The following PRRC2C variants were observed in gnomAD, a reference collection of about 807,000 sequenced individuals.
The protein encoded by PRRC2C is protein PRRC2C.
Under a neutral mutation model 317.2 loss-of-function variants are expected in PRRC2C, and 72 were observed. The ratio of observed to expected loss-of-function variants is 0.23; its 90% CI spans 0.19 to 0.28. The LOEUF (loss-of-function observed/expected upper bound fraction) is 0.28, where lower values mean the gene tolerates loss of function less well. Among genes scored for constraint, PRRC2C ranks in the 10% least tolerant of loss-of-function variants. The probability of loss-of-function intolerance (pLI) is 1.00; values close to 1 mark genes in which losing one functional copy is unlikely to be tolerated. For synonymous variants in PRRC2C, 1,296 were observed against 1,205.9 expected (o/e 1.07, Z -1.55); for missense variants, 3,074 against 3,459.7 (o/e 0.89, Z 2.80).
intron 20 of PRRC2C, among the ~76,000 whole-genome samples, chr1:171,562,582 A>C (rs1211124083): frequency 6.6e-6 from 1 of 152,244 alleles, no homozygotes; most frequent in Non-Finnish European, 1.5e-5. Flanking sequence ...GACAAGATTT[A>C]CTAAAGTGTT....
At position 171,524,753 on chromosome 1, in the gene PRRC2C, G is replaced by A. The variant is rs944751101; in HGVS notation, c.1056-68G>A. On this transcript the variant is annotated intron_variant, in intron 9 of 34. Transcript: ENST00000647382. ...CCATACAGAAATAATTTTTTTAATT[G>A]CAAAAATAATGTGTGTACTTATGAT... The A allele has an allele frequency of 1.2e-5, 17 of 1,406,250 alleles. No homozygotes were observed. In the South Asian group the frequency reaches 1.8e-4, roughly 15 times the overall value. The allele number at this position is 1,406,250 out of a possible 1,614,324, so 87.1% of individuals were successfully genotyped here. A position where few individuals can be genotyped will look rare whatever the true frequency, so the allele number is the denominator to read the frequency against.
intron 20 of PRRC2C, among the ~76,000 whole-genome samples, chr1:171,563,964 G>C (rs1683163136): frequency 6.6e-6 from 1 of 152,188 alleles, no homozygotes; most frequent in South Asian, 2.1e-4. Flanking sequence ...CCTTCAGTCA[G>C]TGGTGGAGCA....
At chr1:171,565,345 C>T (rs903166656) in intron 20 of PRRC2C, among the ~76,000 whole-genome samples, 1 of 152,208 alleles carries the variant, frequency 6.6e-6, no homozygotes, top group African/African-American at 2.4e-5. Context: ...CCTTATCTGA[C>T]TTTTCAGTTC....
chr1:171,562,725 A>G (rs1230210796), intron 20 of PRRC2C, among the ~76,000 whole-genome samples: 1 of 152,218 alleles, frequency 6.6e-6, no homozygotes, highest in Non-Finnish European at 1.5e-5. Context: ...GATGCTTATT[A>G]TGCCTCTGAG....
intron 4 of PRRC2C, among the ~76,000 whole-genome samples, chr1:171,515,136 G>A (rs1006118298): frequency 4.6e-5 from 7 of 152,184 alleles, no homozygotes; most frequent in Non-Finnish European, 7.3e-5. Context: ...TCCCACTTTC[G>A]AAACAGGAAC....
chr1:171,575,599 GGA>G (rs1204817305), intron 25 of PRRC2C, among the ~76,000 whole-genome samples: 1 of 152,090 alleles, frequency 6.6e-6, no homozygotes, highest in African/African-American at 2.4e-5. Flanking sequence ...TTGTTTTTTA[GGA>G]GAGTCCTTTG....
intron 6 of PRRC2C, among the ~76,000 whole-genome samples, chr1:171,518,805 T>C (rs1477194143): frequency 6.6e-6 from 1 of 151,714 alleles, no homozygotes; most frequent in African/African-American, 2.4e-5. Context: ...ACTTGGCCTT[T>C]AAACTTTTTT....
chr1:171,565,768 G>A (rs1262910607), intron 20 of PRRC2C, among the ~76,000 whole-genome samples: 1 of 152,132 alleles, frequency 6.6e-6, no homozygotes, highest in Non-Finnish European at 1.5e-5. Context: ...TTAATTGGTG[G>A]ATTGATTGCT....
chr1:171,531,867 A>G (rs892208653), intron 11 of PRRC2C, among the ~76,000 whole-genome samples: 3 of 152,000 alleles, frequency 2.0e-5, no homozygotes, highest in African/African-American at 7.3e-5. Context: ...TGTCTTTTTC[A>G]CTTTGCTTCT....
intron 1 of PRRC2C, among the ~76,000 whole-genome samples, chr1:171,487,656 G>C (rs1485945896): frequency 6.6e-6 from 1 of 152,096 alleles, no homozygotes; most frequent in Non-Finnish European, 1.5e-5. Context: ...CTGTAAAATG[G>C]TGATGATAAT....
chr1:171,565,671 C>T (rs978788119), intron 20 of PRRC2C, among the ~76,000 whole-genome samples: 1 of 152,200 alleles, frequency 6.6e-6, no homozygotes, highest in Non-Finnish European at 1.5e-5. Context: ...TGGTCTCAAA[C>T]TCCTGACCTC....
At position 171,532,450 on chromosome 1, in the gene PRRC2C, A is replaced by G. The variant is rs750028893; in HGVS notation, c.1362A>G (p.Gln454=). Residue 454 remains glutamine (Q), a synonymous_variant, in exon 12 of 35, where the codon CAA becomes CAG. Transcript: ENST00000647382. ...TATGGAAGCAAAGACGAAGACAACA[A>G]TCAGAAATTTCTGCAGCAGTAGAAC... ...DEIWKQRRRQ[Q]SEISAAVERA... is the part of the protein sequence containing the mutation. The G allele has an allele frequency of 1.1e-5, 17 of 1,613,920 alleles. No individual in the cohort carries two copies. The highest frequency in any genetic ancestry group is 5.0e-5 in the Admixed American group (3 of 60,018).
intron 1 of PRRC2C, among the ~76,000 whole-genome samples, chr1:171,501,602 C>T (rs1669129158): frequency 1.3e-5 from 2 of 152,102 alleles, no homozygotes; most frequent in South Asian, 4.1e-4. Flanking sequence ...TGATCCTCTG[C>T]CCTTAATGAT....
At chr1:171,491,050 A>G (rs1667057397) in intron 1 of PRRC2C, among the ~76,000 whole-genome samples, 1 of 152,152 alleles carries the variant, frequency 6.6e-6, no homozygotes, top group South Asian at 2.1e-4. Context: ...ATATTCTTTG[A>G]TATTACACAA....
intron 18 of PRRC2C, among the ~76,000 whole-genome samples, chr1:171,554,458 C>T (rs905387278): frequency 3.3e-5 from 5 of 152,094 alleles, no homozygotes; most frequent in African/African-American, 1.2e-4. Flanking sequence ...GGGCATTTAG[C>T]CCATTTACAT....
At chr1:171,568,632 G>A (rs1388959333) in intron 23 of PRRC2C, among the ~76,000 whole-genome samples, 1 of 152,186 alleles carries the variant, frequency 6.6e-6, no homozygotes, top group Non-Finnish European at 1.5e-5. Context: ...GTAAGAAGTT[G>A]TTTTAGCTCT....
rs77137624 is a variant in PRRC2C, at chr1:171,486,496, T to C, written c.-58+761T>C. Among the ~76,000 whole-genome samples the C allele has an allele frequency of 2.4e-4, 37 of 152,226 alleles. No homozygotes were observed. In the East Asian group the frequency reaches 7.1e-3, roughly 29 times the overall value. On this transcript the variant is annotated intron_variant, in intron 1 of 34. Transcript: ENST00000647382. ...AGGGCATGGGGCCACTATAGAGACA[T>C]TGATAGAGTCTTCCTTCCTTTGCAT...
chr1:171,565,447 G>A (rs1308276647), intron 20 of PRRC2C, among the ~76,000 whole-genome samples: 1 of 148,874 alleles, frequency 6.7e-6, no homozygotes, highest in Non-Finnish European at 1.5e-5. Flanking sequence ...CAAATTAGCT[G>A]GGTTGGTTTG....
intron 19 of PRRC2C, among the ~76,000 whole-genome samples, chr1:171,559,146 AT>A (rs1682060902): frequency 6.6e-6 from 1 of 152,238 alleles, no homozygotes; most frequent in South Asian, 2.1e-4. Context: ...CCTCTATCAC[AT>A]TAAAGTGCAA....
Sources: gnomAD v4.1 joint callset for allele counts (sites outside exome capture counted in the v4.1 genomes callset) on GRCh38, gnomAD v4.1.1 for gene constraint, MANE v1.5 for transcripts, NCBI Gene and HGNC (gene_info 2026-07-23, HGNC 2026-07-21) for gene names.